The following RPGR variants were observed in gnomAD, a reference collection of about 807,000 sequenced individuals.
RPGR encodes retinitis pigmentosa GTPase regulator, also known as X-linked retinitis pigmentosa GTPase regulator.
Under a neutral mutation model 56.3 loss-of-function variants are expected in RPGR, and 10 were observed. The observed-to-expected ratio is 0.18, with a 90% confidence interval of 0.11 to 0.30. RPGR has a LOEUF of 0.30. RPGR is among the 10% of genes least tolerant of loss of function. The pLI, the probability that RPGR is intolerant of heterozygous loss-of-function variation, is 1.00. For missense variants in RPGR, 538 were observed against 590.9 expected, an observed-to-expected ratio of 0.91 and a Z score of 0.93; for synonymous variants, 197 against 212.9, an observed-to-expected ratio of 0.93 and a Z score of 0.65.
intron 10 of RPGR, chrX:38,298,294 T>G: frequency 3.4e-6 from 1 of 294,408 alleles, no homozygotes; most frequent in Admixed American, 4.1e-5. Flanking sequence ...CACATATATA[T>G]ATATGTCATT....
At chrX:38,322,709 AAAGATAAGTTAAATGCTAATAATATTC>A in intron 3 of RPGR, 117 bp downstream of exon 3, 2 of 487,978 alleles carry the variant, frequency 4.1e-6, no homozygotes, top group Non-Finnish European at 7.0e-6. Context: ...ATATCATATA[AAAGATAAGTTAAATGCTAATAATATTC>A]AAGCAAATGT....
chrX:38,318,618 A>G (rs1477821400), intron 5 of RPGR, among the ~76,000 whole-genome samples: 1 of 112,109 alleles, frequency 8.9e-6, no homozygotes, highest in African/African-American at 3.2e-5. Flanking sequence ...TGTATATTTA[A>G]ATAAGCACAA....
chrX:38,279,941 T>C (rs2067000373), intron 15 of RPGR, among the ~76,000 whole-genome samples: 1 of 110,504 alleles, frequency 9.0e-6, no homozygotes, highest in Admixed American at 9.7e-5. Flanking sequence ...AGTTAACCTG[T>C]AAGTTCATGT....
chrX:38,298,311 A>G (rs770063262), intron 10 of RPGR: 52 of 305,149 alleles, frequency 1.7e-4, no homozygotes, highest in African/African-American at 1.4e-3. Context: ...CATTGGAACA[A>G]TAATTTTAAA....
intron 11 of RPGR, among the ~76,000 whole-genome samples, chrX:38,294,605 A>T (rs2067345077): frequency 8.9e-6 from 1 of 111,959 alleles, no homozygotes; most frequent in Non-Finnish European, 1.9e-5. Flanking sequence ...GTGTTTCAAC[A>T]ATCAGCTTGA....
chrX:38,270,500 G>A (rs1450863069), intron 18 of RPGR, among the ~76,000 whole-genome samples: 1 of 106,235 alleles, frequency 9.4e-6, no homozygotes, highest in East Asian at 2.9e-4. Flanking sequence ...GCAGGCACCT[G>A]TAGTCCCAGC....
rs774012136 is a variant in RPGR at position 38,285,876 on chromosome X, CTCCTCTCCTTCCTCT to C, written c.1905+1203_1905+1217del. On this transcript the variant is annotated intron_variant, in intron 15 of 18. Coordinates refer to ENST00000642395, the MANE Select transcript of RPGR (RefSeq NM_000328.3). ...CCTCCTTTTCCCTTTCTTCTCCTTC[CTCCTCTCCTTCCTCT>C]TCCTCTCCTTCCCCCTCTCCTTCCT... 1.3e-3 allele frequency: 1,500 copies of C among 1,195,459 alleles called. 16 individuals carry two copies. In the African/African-American group the frequency reaches 0.024, roughly 19 times the overall value.
chrX:38,287,465 TG>T (rs1569238181), intron 14 of RPGR: 3 of 554,759 alleles, frequency 5.4e-6, no homozygotes, highest in East Asian at 3.4e-5. Context: ...GCACCTTCCA[TG>T]TAACTGTCTG....
chrX:38,273,352 A>G (rs2066875759), intron 18 of RPGR: 3 of 1,059,499 alleles, frequency 2.8e-6, no homozygotes, highest in Admixed American at 2.4e-5. Flanking sequence ...AATTGAATTC[A>G]AAAGGATCAA....
At chrX:38,322,433 G>T (rs1191468575) in intron 3 of RPGR, among the ~76,000 whole-genome samples, 1 of 111,977 alleles carries the variant, frequency 8.9e-6, no homozygotes, top group African/African-American at 3.2e-5. Context: ...TATAAAGCAG[G>T]ATAAGTATGT....
intron 7 of RPGR, 124 bp downstream of exon 7, chrX:38,310,491 A>T: frequency 1.5e-6 from 1 of 650,309 alleles, no homozygotes; most frequent in Non-Finnish European, 2.4e-6. Flanking sequence ...AAAATCTATT[A>T]AGAAGGTAGT....
intron 10 of RPGR, chrX:38,298,262 T>A (rs1455154202): frequency 7.2e-5 from 14 of 193,646 alleles, no homozygotes; most frequent in Non-Finnish European, 9.5e-5. Flanking sequence ...AGAGTGAGAC[T>A]CTGTCTCAAA....
intron 18 of RPGR, chrX:38,273,320 C>T (rs2066875249): frequency 2.3e-6 from 2 of 868,618 alleles, no homozygotes; most frequent in Non-Finnish European, 1.7e-6. Flanking sequence ...ATGTGGATTG[C>T]CATATGAAAA....
Position 38,327,386 on chromosome X carries a change from A to G in RPGR, c.-19T>C. 1 of 1,180,515 alleles carries G rather than the reference A, an allele frequency of 8.5e-7. No individual in the cohort carries two copies. The highest frequency in any genetic ancestry group is 1.1e-6 in the Non-Finnish European group (1 of 880,162). ...CCCTCATGCCACGGGCAGTACGGGCAGCCTGCGCCGGGGCCAGGAGGCTGT... is the reference window on the plus strand; with the variant it reads ...CCCTCATGCCACGGGCAGTACGGGCGGCCTGCGCCGGGGCCAGGAGGCTGT... On this transcript the variant is annotated 5_prime_UTR_variant, in exon 1 of 19. Transcript: ENST00000642395.
chrX:38,285,943 CCTTCCT>C (rs2067126701), intron 15 of RPGR: 1 of 1,021,417 alleles, frequency 9.8e-7, no homozygotes, highest in African/African-American at 2.2e-5. Flanking sequence ...TTCCACTTCC[CCTTCCT>C]CTTCTTCCTC....
At chrX:38,283,106 G>T (rs2067059939) in intron 15 of RPGR, among the ~76,000 whole-genome samples, 1 of 110,422 alleles carries the variant, frequency 9.1e-6, no homozygotes, top group East Asian at 2.8e-4. Context: ...AATCACTTCT[G>T]TCGATGAAAG....
chrX:38,301,214 G>C (rs1569247273), intron 9 of RPGR, 33 bp downstream of exon 9: 2 of 1,143,176 alleles, frequency 1.7e-6, no homozygotes, highest in Non-Finnish European at 2.4e-6. Context: ...ACAGTAATAT[G>C]AAAATATAAA....
intron 14 of RPGR, 61 bp from the exon 15 acceptor site, chrX:38,287,306 T>A: frequency 8.3e-7 from 1 of 1,199,684 alleles, no homozygotes; most frequent in Non-Finnish European, 1.1e-6. Context: ...ATGGGTTTAG[T>A]CTCTTTTTCA....
intron 14 of RPGR, 134 bp from the exon 15 acceptor site, chrX:38,287,379 C>T: frequency 1.2e-5 from 12 of 994,228 alleles, no homozygotes; most frequent in Non-Finnish European, 1.7e-5. Context: ...CTTCATCATC[C>T]TCTTTCTCTC....
Sources: gnomAD v4.1 joint callset for allele counts (sites outside exome capture counted in the v4.1 genomes callset) on GRCh38, gnomAD v4.1.1 for gene constraint, MANE v1.5 for transcripts, NCBI Gene and HGNC (gene_info 2026-07-23, HGNC 2026-07-21) for gene names.